LINGO2: variants seen among roughly 807,000 people sequenced by gnomAD.
The protein encoded by LINGO2 is leucine rich repeat and Ig domain containing 2, also known as leucine-rich repeat and immunoglobulin-like domain-containing nogo receptor-interacting protein 2.
Under a neutral mutation model 30.6 loss-of-function variants are expected in LINGO2, and 14 were observed. The ratio of observed to expected loss-of-function variants is 0.46; its 90% CI spans 0.30 to 0.72. LINGO2 has a LOEUF of 0.72. Ranked by LOEUF, LINGO2 falls within the 30% of genes least tolerant of loss-of-function variation. LINGO2 has a pLI of 0.07. For missense variants in LINGO2, 729 were observed against 751.7 expected, an observed-to-expected ratio of 0.97 and a Z score of 0.35; for synonymous variants, 317 against 288.5, an observed-to-expected ratio of 1.10 and a Z score of -1.00.
the LINGO2 span, among the ~76,000 whole-genome samples, chr9:28,684,022 C>T: frequency 6.6e-6 from 1 of 151,492 alleles, no homozygotes; most frequent in Non-Finnish European, 1.5e-5. Flanking sequence ...TTGTGAAATT[C>T]AAAAATTCAA....
At chr9:28,593,711 G>T (rs1825037546) in intron 1 of LINGO2, among the ~76,000 whole-genome samples, 1 of 104,522 alleles carries the variant, frequency 9.6e-6, no homozygotes, top group Admixed American at 8.7e-5. Context: ...AAGTACTGGG[G>T]TCAAGATTTG....
At chr9:27,999,270 A>C (rs906611722) in intron 5 of LINGO2, among the ~76,000 whole-genome samples, 1 of 152,172 alleles carries the variant, frequency 6.6e-6, no homozygotes. Context: ...CCATAATCAG[A>C]AAGCATCAAC....
At chr9:28,035,019 C>T (rs1823862973) in intron 4 of LINGO2, among the ~76,000 whole-genome samples, 1 of 152,184 alleles carries the variant, frequency 6.6e-6, no homozygotes, top group Non-Finnish European at 1.5e-5. Flanking sequence ...TCTTGCAAAC[C>T]ACAGAACTCA....
intron 4 of LINGO2, among the ~76,000 whole-genome samples, chr9:28,101,189 T>C (rs566100333): frequency 1.3e-5 from 2 of 152,100 alleles, no homozygotes; most frequent in Non-Finnish European, 2.9e-5. Context: ...TTTTGATACA[T>C]ATGGTCTCCC....
chr9:28,899,888 G>T, the LINGO2 span, among the ~76,000 whole-genome samples: 1 of 152,172 alleles, frequency 6.6e-6, no homozygotes, highest in Non-Finnish European at 1.5e-5. Flanking sequence ...TTCCAGGCCT[G>T]CTTCAGCCAA....
intron 3 of LINGO2, among the ~76,000 whole-genome samples, chr9:28,347,333 C>T (rs183587189): frequency 3.9e-4 from 60 of 152,214 alleles, no homozygotes; most frequent in African/African-American, 1.1e-3. Context: ...CCCATTACAA[C>T]GGGCTCTCAG....
Position 27,950,705 on chromosome 9 carries a change from G to T in LINGO2, c.-34C>A, listed in dbSNP as rs769427462. 5.4e-6 allele frequency: 8 copies of T among 1,478,430 alleles called. No individual in the cohort carries two copies. The African/African-American group carries it at 7.0e-5, about 13-fold the overall frequency. 91.6% of individuals were successfully genotyped at this position (1,478,430 alleles called of 1,614,324 possible). On this transcript the variant is annotated splice_region_variant and 5_prime_UTR_variant, in exon 6 of 6. Transcript: ENST00000379992. ...TTCTTAGTCTACACCTTGGTCACGG[G>T]TCTGCATGGAAGGGACACAAGAAGG...
At chr9:28,031,666 T>C (rs533963319) in intron 4 of LINGO2, among the ~76,000 whole-genome samples, 1 of 152,300 alleles carries the variant, frequency 6.6e-6, no homozygotes, top group Admixed American at 6.5e-5. Flanking sequence ...TTGAGATAAT[T>C]ATGATCTGCT....
At chr9:29,144,486 G>A in the LINGO2 span, among the ~76,000 whole-genome samples, 3 of 152,022 alleles carry the variant, frequency 2.0e-5, no homozygotes, top group African/African-American at 7.2e-5. Context: ...AAGTATATTA[G>A]AGATGTGTAG....
the LINGO2 span, among the ~76,000 whole-genome samples, chr9:28,916,007 T>C: frequency 6.6e-6 from 1 of 152,168 alleles, no homozygotes; most frequent in East Asian, 1.9e-4. Flanking sequence ...GACCCTCCTC[T>C]TGGCCAAGGG....
chr9:28,609,052 C>G lies in LINGO2; in HGVS notation c.-365+61148G>C, dbSNP rs544665506. On this transcript the variant is annotated intron_variant, in intron 1 of 5. Coordinates refer to ENST00000379992, the Ensembl canonical transcript of LINGO2. ...AAAATTCAATACAATCAGATATGTC[C>G]ATATACCTAAAACATTATTTTTACT... Among the ~76,000 whole-genome samples the G allele has an allele frequency of 1.6e-3, 240 of 151,762 alleles. 2 individuals are homozygous for G. Among genetic ancestry groups the G allele is most frequent in the Non-Finnish European group, 2.7e-4 (18 of 67,812 alleles).
the LINGO2 span, among the ~76,000 whole-genome samples, chr9:28,793,855 T>G: frequency 2.0e-5 from 3 of 152,226 alleles, no homozygotes; most frequent in Non-Finnish European, 4.4e-5. Flanking sequence ...CTCCAGGTGA[T>G]TCACATGCAT....
At chr9:28,881,977 T>C in the LINGO2 span, among the ~76,000 whole-genome samples, 1 of 152,240 alleles carries the variant, frequency 6.6e-6, no homozygotes, top group Non-Finnish European at 1.5e-5. Context: ...TTTAATATTG[T>C]CAATTATATT....
chr9:28,221,138 A>G (rs943165573), intron 4 of LINGO2, among the ~76,000 whole-genome samples: 31 of 151,922 alleles, frequency 2.0e-4, no homozygotes, highest in Non-Finnish European at 4.3e-4. Context: ...TCTCTAATAA[A>G]AATAGAAAAA....
At chr9:28,444,807 C>A (rs1446842878) in intron 2 of LINGO2, among the ~76,000 whole-genome samples, 9 of 152,186 alleles carry the variant, frequency 5.9e-5, no homozygotes, top group Non-Finnish European at 1.2e-4. Flanking sequence ...AGTCAGACCC[C>A]ACACTCACTT....
chr9:28,436,659 G>A (rs1436306292), intron 2 of LINGO2, among the ~76,000 whole-genome samples: 5 of 151,972 alleles, frequency 3.3e-5, no homozygotes, highest in African/African-American at 7.2e-5. Flanking sequence ...GGGTTTCACC[G>A]TGTTAGCCAG....
the LINGO2 span, among the ~76,000 whole-genome samples, chr9:28,687,753 T>A: frequency 6.6e-6 from 1 of 152,294 alleles, no homozygotes; most frequent in South Asian, 2.1e-4. Flanking sequence ...ATGGTGATTT[T>A]TTTTTGTTTA....
chr9:28,138,775 G>A (rs953597750), intron 4 of LINGO2, among the ~76,000 whole-genome samples: 2 of 152,034 alleles, frequency 1.3e-5, no homozygotes, highest in African/African-American at 4.8e-5. Context: ...ATAGACTAAT[G>A]CATTCATGCT....
chr9:28,481,127 G>A (rs1007006166), intron 1 of LINGO2, among the ~76,000 whole-genome samples: 2 of 152,070 alleles, frequency 1.3e-5, no homozygotes, highest in African/African-American at 4.8e-5. Flanking sequence ...TGGGCTCAAA[G>A]TCTTCAAATG....
Sources: allele counts gnomAD v4.1 joint callset (sites outside exome capture counted in the v4.1 genomes callset), GRCh38; gene constraint gnomAD v4.1.1; transcripts MANE v1.5; gene names NCBI Gene and HGNC (gene_info 2026-07-23, HGNC 2026-07-21).